The following MAML2 variants were observed in gnomAD, a reference collection of about 807,000 sequenced individuals.
MAML2 encodes the protein mastermind like transcriptional coactivator 2, also known as mastermind-like protein 2.
Under a neutral mutation model 96.1 loss-of-function variants are expected in MAML2, and 22 were observed. The observed-to-expected ratio is 0.23, with a 90% confidence interval of 0.16 to 0.33. The LOEUF (loss-of-function observed/expected upper bound fraction) is 0.33, where lower values mean the gene tolerates loss of function less well. MAML2 is among the 10% of genes least tolerant of loss of function. The pLI is 1.00. For synonymous variants in MAML2, 561 were observed against 521.3 expected, an observed-to-expected ratio of 1.08 and a Z score of -1.04; for missense variants, 1,367 against 1,392.4, an observed-to-expected ratio of 0.98 and a Z score of 0.29.
Position 95,979,113 on chromosome 11 carries a change from G to A in MAML2, c.3306C>T (p.His1102=), listed in dbSNP as rs2135697237. The change falls in exon 5 of 5, where the codon CAC becomes CAT. Residue 1102 remains histidine, a synonymous_variant. Coordinates refer to ENST00000524717, the MANE Select transcript of MAML2 (RefSeq NM_032427.4). ...GGAAGTCAAAAGCTAAGTCACTGCT[G>A]TGGTCAGTTCCTTGAAAAGCCCTGG... The part of the protein sequence containing the change: ...QSSRAFQGTD[H]SSDLAFDFLS... The A allele has an allele frequency of 6.2e-7, 1 of 1,614,044 alleles. No homozygotes were observed. Among genetic ancestry groups the A allele is most frequent in the East Asian group, 2.2e-5 (1 of 44,888 alleles).
rs1226967213 is a variant in MAML2, at chr11:96,137,563, G to A, written c.514-44046C>T. ...GTTTCCTCACATGATCTAAGCTTTGGAATTCCTTTGTTTCTTGCCTTTCAG... is the reference window on the plus strand; with the variant it reads ...GTTTCCTCACATGATCTAAGCTTTGAAATTCCTTTGTTTCTTGCCTTTCAG... On this transcript the variant is annotated intron_variant, in intron 1 of 4. Coordinates refer to ENST00000524717, the MANE Select transcript of MAML2 (RefSeq NM_032427.4). 1.1e-4 allele frequency among the ~76,000 whole-genome samples: 16 copies of A among 152,144 alleles called. 1 individual carries two copies.
At chr11:96,134,451 C>A (rs571723789) in intron 1 of MAML2, among the ~76,000 whole-genome samples, 1 of 152,302 alleles carries the variant, frequency 6.6e-6, no homozygotes, top group African/African-American at 2.4e-5. Flanking sequence ...CCTCCTTATA[C>A]AACATTAGTG....
intron 2 of MAML2, among the ~76,000 whole-genome samples, chr11:96,089,892 T>C (rs559626197): frequency 1.7e-5 from 1 of 58,504 alleles, no homozygotes; most frequent in East Asian, 2.5e-4. Flanking sequence ...GTATCATATA[T>C]GTCATATGCC....
intron 1 of MAML2, among the ~76,000 whole-genome samples, chr11:96,247,024 T>A (rs1862521686): frequency 6.6e-6 from 1 of 152,086 alleles, no homozygotes; most frequent in South Asian, 2.1e-4. Context: ...AAAAATTGCG[T>A]GTGATCCTCC....
At chr11:96,106,133 C>T (rs896831851) in intron 1 of MAML2, among the ~76,000 whole-genome samples, 1 of 152,160 alleles carries the variant, frequency 6.6e-6, no homozygotes, top group African/African-American at 2.4e-5. Context: ...TGTCCTATAG[C>T]AATACAATGC....
intron 1 of MAML2, among the ~76,000 whole-genome samples, chr11:96,322,236 GA>G: frequency 6.6e-6 from 1 of 152,202 alleles, no homozygotes; most frequent in South Asian, 2.1e-4. Flanking sequence ...CAATGACAAG[GA>G]GACATAAATT....
At chr11:96,231,992 A>G (rs78907771) in intron 1 of MAML2, among the ~76,000 whole-genome samples, 4 of 152,340 alleles carry the variant, frequency 2.6e-5, no homozygotes, top group Non-Finnish European at 5.9e-5. Flanking sequence ...TAGTTATGCT[A>G]GATAGGGATA....
Position 95,991,540 on chromosome 11 carries a change from G to A in MAML2, c.2323C>T (p.Gln775Ter). 1 of 1,613,726 alleles carries A rather than the reference G, an allele frequency of 6.2e-7. No homozygotes were observed. Among genetic ancestry groups the A allele is most frequent in the Non-Finnish European group, 8.5e-7 (1 of 1,179,688 alleles). ...MEQKQQLLLQ[Q>*]QMLADAEKIA... ...TTTACCGCGTCAGCCAGCATCTGCTGCTGGAGAAGAAGTTGCTGTTTCTGC... is the reference window on the plus strand; with the variant it reads ...TTTACCGCGTCAGCCAGCATCTGCTACTGGAGAAGAAGTTGCTGTTTCTGC... Residue 775 changes from glutamine to a stop codon, truncating the protein, a stop_gained, in exon 3 of 5, where the codon CAG becomes TAG. Transcript: ENST00000524717. LOFTEE classifies it high-confidence loss of function.
At chr11:96,336,711 TAAACAC>T (rs1863924813) in intron 1 of MAML2, among the ~76,000 whole-genome samples, 1 of 152,274 alleles carries the variant, frequency 6.6e-6, no homozygotes, top group Non-Finnish European at 1.5e-5. Context: ...ATAACAGTGC[TAAACAC>T]AAACACAAAC....
intron 1 of MAML2, among the ~76,000 whole-genome samples, chr11:96,255,434 A>G (rs978163978): frequency 1.1e-4 from 16 of 152,246 alleles, no homozygotes; most frequent in African/African-American, 3.9e-4. Flanking sequence ...AAAGCTAGAA[A>G]GTGGTTATGT....
At chr11:95,998,122 A>ATCTG (rs138084497) in intron 2 of MAML2, among the ~76,000 whole-genome samples, 89 of 117,460 alleles carry the variant, frequency 7.6e-4, no homozygotes, top group South Asian at 3.7e-3. Context: ...TTTTCTATCT[A>ATCTG]TCTGTCTGTC....
At chr11:96,144,671 T>C (rs1364593720) in intron 1 of MAML2, among the ~76,000 whole-genome samples, 1 of 152,204 alleles carries the variant, frequency 6.6e-6, no homozygotes, top group Admixed American at 6.5e-5. Context: ...TTGAGAATAA[T>C]AGAAACAGTA....
At chr11:96,323,541 AACTTATCTGTCTTCAAGGC>A (rs1863737783) in intron 1 of MAML2, among the ~76,000 whole-genome samples, 1 of 151,894 alleles carries the variant, frequency 6.6e-6, no homozygotes, top group African/African-American at 2.4e-5. Flanking sequence ...GTCTTCAAGG[AACTTATCTGTCTTCAAGGC>A]ACTTACAATG....
At chr11:96,102,826 G>A (rs909459770) in intron 1 of MAML2, among the ~76,000 whole-genome samples, 5 of 152,174 alleles carry the variant, frequency 3.3e-5, no homozygotes, top group African/African-American at 1.2e-4. Flanking sequence ...ATAATATTCT[G>A]TAAAAGCCTG....
intron 4 of MAML2, among the ~76,000 whole-genome samples, chr11:95,981,894 C>T (rs1175130216): frequency 1.3e-5 from 2 of 151,912 alleles, no homozygotes; most frequent in African/African-American, 2.4e-5. Context: ...AATGATATGG[C>T]CTGAGAAGGT....
chr11:96,247,656 C>A (rs1862529332), intron 1 of MAML2, among the ~76,000 whole-genome samples: 1 of 152,072 alleles, frequency 6.6e-6, no homozygotes, highest in Non-Finnish European at 1.5e-5. Context: ...AATTCTGGAC[C>A]ACTAACCTCA....
intron 1 of MAML2, among the ~76,000 whole-genome samples, chr11:96,234,521 A>G (rs925188132): frequency 6.6e-6 from 1 of 152,170 alleles, no homozygotes; most frequent in Admixed American, 6.5e-5. Context: ...ATACATTTTA[A>G]AAATGGGATA....
At chr11:96,051,052 G>GTGTCAT (rs1858982470) in intron 2 of MAML2, among the ~76,000 whole-genome samples, 1 of 121,050 alleles carries the variant, frequency 8.3e-6, no homozygotes, top group African/African-American at 2.5e-5. Flanking sequence ...TGTTGGTTTA[G>GTGTCAT]TGTCATTTCC....
At chr11:96,148,417 A>G (rs1226659829) in intron 1 of MAML2, among the ~76,000 whole-genome samples, 1 of 152,006 alleles carries the variant, frequency 6.6e-6, no homozygotes, top group Non-Finnish European at 1.5e-5. Flanking sequence ...CTGAATGGAG[A>G]AAACACAATA....
Sources: gnomAD v4.1 joint callset for allele counts (sites outside exome capture counted in the v4.1 genomes callset) on GRCh38, gnomAD v4.1.1 for gene constraint, MANE v1.5 for transcripts, NCBI Gene and HGNC (gene_info 2026-07-23, HGNC 2026-07-21) for gene names.